The following HIVEP2 variants were observed in gnomAD, a reference collection of about 807,000 sequenced individuals.
The protein encoded by HIVEP2 is HIVEP zinc finger 2.
Under a neutral mutation model 180.7 loss-of-function variants are expected in HIVEP2, and 14 were observed. The ratio of observed to expected loss-of-function variants is 0.08; its 90% CI spans 0.05 to 0.12. The LOEUF (loss-of-function observed/expected upper bound fraction) is 0.12, where lower values mean the gene tolerates loss of function less well. Ranked by LOEUF, HIVEP2 falls within the 10% of genes least tolerant of loss-of-function variation. The pLI, the probability that HIVEP2 is intolerant of heterozygous loss-of-function variation, is 1.00. For missense variants in HIVEP2, 2,579 were observed against 3,008.5 expected, an observed-to-expected ratio of 0.86 and a Z score of 3.34; for synonymous variants, 1,184 against 1,136.4, an observed-to-expected ratio of 1.04 and a Z score of -0.84.
chr6:142,829,788 T>G (rs1204197818), intron 2 of HIVEP2, among the ~76,000 whole-genome samples: 2 of 152,224 alleles, frequency 1.3e-5, no homozygotes, highest in African/African-American at 4.8e-5. Flanking sequence ...CTGTGATGAT[T>G]GGTGTCCTCA....
intron 3 of HIVEP2, chr6:142,779,483 G>A (rs1254829159): frequency 6.6e-6 from 1 of 152,268 alleles, no homozygotes; most frequent in East Asian, 1.9e-4. Context: ...AGCTGGGTAT[G>A]GTGGCGTGTA....
intron 2 of HIVEP2, among the ~76,000 whole-genome samples, chr6:142,803,846 T>C (rs537346607): frequency 6.6e-6 from 1 of 152,224 alleles, no homozygotes; most frequent in East Asian, 1.9e-4. Context: ...ACATCACTCC[T>C]TCACACACCC....
At chr6:142,891,002 T>C (rs1184623835) in intron 1 of HIVEP2, among the ~76,000 whole-genome samples, 2 of 152,224 alleles carry the variant, frequency 1.3e-5, no homozygotes, top group Non-Finnish European at 2.9e-5. Context: ...CTTTTGTATA[T>C]ATGGCCTGTT....
At position 142,866,449 on chromosome 6, in the gene HIVEP2, C is replaced by G. The variant is rs1335534651; in HGVS notation, c.-640-29402G>C. Among the ~76,000 whole-genome samples the G allele has an allele frequency of 2.6e-5, 4 of 152,110 alleles. No homozygotes were observed. In the South Asian group the frequency reaches 6.2e-4, roughly 24 times the overall value. On this transcript the variant is annotated intron_variant, in intron 1 of 9. Coordinates refer to ENST00000367603, the MANE Select transcript of HIVEP2 (RefSeq NM_006734.4). ...ACAACCCTTATTTCCCATTAGTAGA[C>G]AGTTCCTGAAATTCCACATCTGCTG...
At chr6:142,821,306 G>T (rs889410875) in intron 2 of HIVEP2, among the ~76,000 whole-genome samples, 3 of 151,670 alleles carry the variant, frequency 2.0e-5, no homozygotes, top group Non-Finnish European at 4.4e-5. Flanking sequence ...CTTCATCCCA[G>T]ATACACTCAT....
intron 1 of HIVEP2, among the ~76,000 whole-genome samples, chr6:142,869,851 T>G (rs180953740): frequency 6.6e-6 from 1 of 152,194 alleles, no homozygotes; most frequent in African/African-American, 2.4e-5. Flanking sequence ...AGGGTATTAA[T>G]ACTATTAATC....
chr6:142,827,605 G>A (rs1429455467), intron 2 of HIVEP2, among the ~76,000 whole-genome samples: 2 of 152,206 alleles, frequency 1.3e-5, no homozygotes, highest in Non-Finnish European at 2.9e-5. Flanking sequence ...AGGAGAGCCC[G>A]AGGACTTCCC....
intron 1 of HIVEP2, among the ~76,000 whole-genome samples, chr6:142,920,891 G>C (rs570300279): frequency 1.1e-4 from 16 of 152,266 alleles, no homozygotes; most frequent in African/African-American, 3.8e-4. Context: ...ACTGAGGTAG[G>C]AGGATCCTGT....
In HIVEP2 at chr6:142,773,727, G is replaced by C. The variant is rs536656918; in HGVS notation, c.1012C>G (p.Pro338Ala). 2 of 1,614,054 alleles carry C rather than the reference G, an allele frequency of 1.2e-6. No homozygotes were observed. Among genetic ancestry groups the C allele is most frequent in the South Asian group, 2.2e-5 (2 of 91,088 alleles). Residue 338 changes from proline (P) to alanine (A), a missense_variant, in exon 5 of 10, where the codon CCT becomes GCT. Transcript: ENST00000367603. The part of the protein sequence containing the change: ...LIIPKSGIPL[P>A]NESSQYIGPD... ...CCAATATACTGAGAGCTTTCATTAG[G>C]GAGAGGAATCCCACTTTTAGGGATA... is the stretch of plus-strand genomic sequence containing the variant.
At position 142,753,490 on chromosome 6, in the gene HIVEP2, G is replaced by T. The variant is rs772821900; in HGVS notation, c.6958C>A (p.Arg2320=). 1 of 1,614,076 alleles carries T rather than the reference G, an allele frequency of 6.2e-7. No individual in the cohort carries two copies. The highest frequency in any genetic ancestry group is 8.5e-7 in the Non-Finnish European group (1 of 1,180,046). ...TSEDSLNATE[R]EQEENIQTCT... Reference sequence around the variant, plus strand: ...GTCTGTATATTTTCCTCCTGTTCCCGCTCTGTTGCGTTTAGGCTGTCTTCC... The same window carrying T: ...GTCTGTATATTTTCCTCCTGTTCCCTCTCTGTTGCGTTTAGGCTGTCTTCC... Residue 2320 remains arginine (R), a synonymous_variant, in exon 10 of 10, where the codon CGG becomes AGG. Transcript: ENST00000367603.
Position 142,793,656 on chromosome 6 carries a change from C to CTTTCTTTCTTTCTTTCCTTCTTTCTTTT in HIVEP2, c.-527-10042_-527-10041insAAAAGAAAGAAGGAAAGAAAGAAAGAAA, listed in dbSNP as rs1269273663. On this transcript the variant is annotated intron_variant, in intron 2 of 9. Coordinates refer to ENST00000367603, the MANE Select transcript of HIVEP2 (RefSeq NM_006734.4). ...TCTTTCTTTCTTTCTTTCTTTCTTT[C>CTTTCTTTCTTTCTTTCCTTCTTTCTTTT]TTTTTTCTTTCTTTCTTTCTCTCTC... is the stretch of plus-strand genomic sequence containing the variant. 5.2e-5 allele frequency among the ~76,000 whole-genome samples: 4 copies of CTTTCTTTCTTTCTTTCCTTCTTTCTTTT among 77,334 alleles called. No individual in the cohort carries two copies. The Admixed American group carries it at 6.2e-4, about 12-fold the overall frequency. The allele number at this position is 77,334 out of a possible 152,430, so 50.7% of individuals were successfully genotyped here. A position where few individuals can be genotyped will look rare whatever the true frequency, so the allele number is the denominator to read the frequency against.
At chr6:142,781,689 A>T (rs751559429) in intron 3 of HIVEP2, among the ~76,000 whole-genome samples, 6 of 152,210 alleles carry the variant, frequency 3.9e-5, no homozygotes, top group Non-Finnish European at 7.3e-5. Flanking sequence ...AAGAGCAGGC[A>T]TTCTTCTAGA....
chr6:142,773,551 A>G lies in HIVEP2; in HGVS notation c.1188T>C (p.Thr396=). Residue 396 remains threonine, a synonymous_variant, in exon 5 of 10, where the codon ACT becomes ACC. Coordinates refer to ENST00000367603, the MANE Select transcript of HIVEP2 (RefSeq NM_006734.4). ...NLLSPHSKGS[T]DSGYFSRSES... ...CTGAGCGAGAAAAGTAACCAGAATC[A>G]GTGCTTCCTTTACTGTGCGGGCTCA... 1 of 1,614,266 alleles carries G rather than the reference A, an allele frequency of 6.2e-7. No individual in the cohort carries two copies. Among genetic ancestry groups the G allele is most frequent in the Non-Finnish European group, 8.5e-7 (1 of 1,180,054 alleles).
Position 142,753,732 on chromosome 6 carries a change from G to A in HIVEP2, c.6716C>T (p.Ser2239Phe). 3 of 1,614,198 alleles carry A rather than the reference G, an allele frequency of 1.9e-6. No homozygotes were observed. Among genetic ancestry groups the A allele is most frequent in the Non-Finnish European group, 2.5e-6 (3 of 1,180,036 alleles). ...VPVGGIQMVH[S>F]MPPALSSLHP... ...TAAACTGGAAAGGGCTGGCGGCATG[G>A]AGTGAACCATCTGGATCCCACCAAC... Residue 2239 changes from serine (S) to phenylalanine (F), a missense_variant, in exon 10 of 10, where the codon TCC becomes TTC. Coordinates refer to ENST00000367603, the MANE Select transcript of HIVEP2 (RefSeq NM_006734.4).
chr6:142,811,838 T>C (rs1375801913), intron 2 of HIVEP2, among the ~76,000 whole-genome samples: 1 of 152,228 alleles, frequency 6.6e-6, no homozygotes, highest in African/African-American at 2.4e-5. Flanking sequence ...AAAGAGGTTC[T>C]GATTCAACCT....
intron 1 of HIVEP2, among the ~76,000 whole-genome samples, chr6:142,878,941 T>C (rs1002802905): frequency 6.6e-6 from 1 of 152,200 alleles, no homozygotes; most frequent in African/African-American, 2.4e-5. Flanking sequence ...TCTCTGGCTC[T>C]GCCACTCATG....
At chr6:142,790,077 C>A (rs555462625) in intron 2 of HIVEP2, among the ~76,000 whole-genome samples, 9 of 152,056 alleles carry the variant, frequency 5.9e-5, no homozygotes, top group Admixed American at 5.9e-4. Flanking sequence ...GCTCTTATAA[C>A]GAAAATTTTT....
At chr6:142,762,244 T>C (rs1490977251) in intron 7 of HIVEP2, among the ~76,000 whole-genome samples, 1 of 152,166 alleles carries the variant, frequency 6.6e-6, no homozygotes, top group Non-Finnish European at 1.5e-5. Context: ...ACATTCCCTC[T>C]TTACTTATCT....
At chr6:142,812,402 G>A (rs1776721982) in intron 2 of HIVEP2, among the ~76,000 whole-genome samples, 1 of 152,140 alleles carries the variant, frequency 6.6e-6, no homozygotes, top group Admixed American at 6.5e-5. Flanking sequence ...CCTTGATAGT[G>A]GAGAAAAATC....
Sources: allele counts gnomAD v4.1 joint callset (sites outside exome capture counted in the v4.1 genomes callset), GRCh38; gene constraint gnomAD v4.1.1; transcripts MANE v1.5; gene names NCBI Gene and HGNC (gene_info 2026-07-23, HGNC 2026-07-21).